RGS20: variants seen among roughly 807,000 people sequenced by gnomAD.
RGS20 encodes regulator of G protein signaling 20, also known as gz-selective GTPase-activating protein.
RGS20 carries 30 observed loss-of-function variants against 33.6 expected under a neutral mutation model. The observed-to-expected ratio is 0.89, with a 90% CI of 0.67 to 1.21. RGS20 has a LOEUF of 1.21. RGS20 is among the 50% of genes most tolerant of loss of function. The pLI is 0.00. For missense variants in RGS20, 472 were observed against 502.4 expected, an observed-to-expected ratio of 0.94 and a Z score of 0.58; for synonymous variants, 208 against 197.9, an observed-to-expected ratio of 1.05 and a Z score of -0.43.
chr8:53,947,579 A>T lies in RGS20; in HGVS notation c.743+831A>T, dbSNP rs533944371. On this transcript the variant is annotated intron_variant, in intron 4 of 5. Transcript: ENST00000297313. Reference sequence around the variant, plus strand: ...ATGCTATATAGGATATAGTATATACATTTATATATGCTATATATAGGATAT... The same window carrying T: ...ATGCTATATAGGATATAGTATATACTTTTATATATGCTATATATAGGATAT... 8.7e-5 allele frequency among the ~76,000 whole-genome samples: 11 copies of T among 126,580 alleles called. No individual in the cohort carries two copies. In the East Asian group the frequency reaches 2.5e-3, roughly 29 times the overall value. 83.0% of individuals were successfully genotyped at this position (126,580 alleles called of 152,430 possible).
chr8:53,894,153 G>C (rs926350737), intron 2 of RGS20, among the ~76,000 whole-genome samples: 1 of 152,026 alleles, frequency 6.6e-6, no homozygotes, highest in African/African-American at 2.4e-5. Context: ...TTTTTGTCCT[G>C]GGTCTCTGTG....
In RGS20 at chr8:53,879,372, C is replaced by G. The variant is rs1812285462; in HGVS notation, c.280C>G (p.Pro94Ala). 2 of 1,611,516 alleles carry G rather than the reference C, an allele frequency of 1.2e-6. No homozygotes were observed. The highest frequency in any genetic ancestry group is 1.3e-5 in the African/African-American group (1 of 74,902). Residue 94 changes from proline to alanine, a missense_variant, in exon 2 of 6, where the codon CCT (proline) becomes GCT (alanine). Pro to Ala is a conservative substitution (Grantham distance 27). Around this residue, in one of 3 missense-constraint regions of RGS20, gnomAD observed 319 missense variants for 283.4 expected, o/e 1.13. Coordinates refer to ENST00000297313, the MANE Select transcript of RGS20 (RefSeq NM_170587.4). Reference sequence around the variant, plus strand: ...CTTCTCTCACCTTCTCCGGCGACCCCCTCCCGAGGCTCCCCGGAGGCGCCT... The same window carrying G: ...CTTCTCTCACCTTCTCCGGCGACCCGCTCCCGAGGCTCCCCGGAGGCGCCT...
At chr8:53,943,576 C>G (rs1814369738) in intron 3 of RGS20, among the ~76,000 whole-genome samples, 2 of 152,116 alleles carry the variant, frequency 1.3e-5, no homozygotes, top group African/African-American at 4.8e-5. Context: ...GTAACAATAA[C>G]AGTGGACCGA....
Position 53,879,325 on chromosome 8 carries a change from C to G in RGS20, c.233C>G (p.Pro78Arg). Residue 78 changes from proline (P) to arginine (R), a missense_variant, in exon 2 of 6, where the codon CCG becomes CGG. This residue lies in a region of RGS20 where 319 missense variants were observed against 283.4 expected (regional missense o/e 1.13). Coordinates refer to ENST00000297313, the MANE Select transcript of RGS20 (RefSeq NM_170587.4). The stretch of plus-strand genomic sequence containing the variant: ...AAGCTGTTCGGCCTCCTTTCTAGCC[C>G]GCTTTCCAGCCTCGCAAGGTTCTTC... 6.2e-7 allele frequency: 1 copy of G among 1,613,246 alleles called. No individual in the cohort carries two copies. The highest frequency in any genetic ancestry group is 8.5e-7 in the Non-Finnish European group (1 of 1,179,984).
chr8:53,890,280 T>C (rs1812677609), intron 2 of RGS20, among the ~76,000 whole-genome samples: 1 of 152,258 alleles, frequency 6.6e-6, no homozygotes, highest in Admixed American at 6.5e-5. Flanking sequence ...GAACTTGTTT[T>C]CTTCTAAATG....
intron 2 of RGS20, among the ~76,000 whole-genome samples, chr8:53,883,446 G>A (rs1477815466): frequency 6.6e-6 from 1 of 152,098 alleles, no homozygotes; most frequent in Non-Finnish European, 1.5e-5. Flanking sequence ...TTACAGGAGT[G>A]AGCCACTGCG....
At chr8:53,911,865 C>T (rs945074494) in intron 2 of RGS20, among the ~76,000 whole-genome samples, 12 of 152,208 alleles carry the variant, frequency 7.9e-5, no homozygotes, top group African/African-American at 1.2e-4. Context: ...CGCTTGAACC[C>T]GGGAGGTGAA....
intron 1 of RGS20, among the ~76,000 whole-genome samples, chr8:53,852,845 A>G (rs1811596714): frequency 6.6e-6 from 1 of 152,156 alleles, no homozygotes; most frequent in African/African-American, 2.4e-5. Flanking sequence ...ATATCCTGAT[A>G]TCATTATTTA....
At chr8:53,933,270 T>C (rs905655669) in intron 2 of RGS20, among the ~76,000 whole-genome samples, 1 of 152,028 alleles carries the variant, frequency 6.6e-6, no homozygotes, top group Non-Finnish European at 1.5e-5. Flanking sequence ...GTTTGACGCA[T>C]TGACAGAAGG....
chr8:53,898,486 TTA>T, intron 2 of RGS20, among the ~76,000 whole-genome samples: 1 of 152,208 alleles, frequency 6.6e-6, no homozygotes, highest in South Asian at 2.1e-4. Flanking sequence ...TTGTGGCACT[TTA>T]ACAGAAGTGT....
intron 2 of RGS20, among the ~76,000 whole-genome samples, chr8:53,887,631 T>C (rs1255858915): frequency 3.3e-5 from 5 of 152,202 alleles, no homozygotes; most frequent in African/African-American, 9.7e-5. Context: ...GTCATGTTGA[T>C]AATTAATGAC....
chr8:53,915,709 G>A (rs913555533), intron 2 of RGS20, among the ~76,000 whole-genome samples: 1 of 152,124 alleles, frequency 6.6e-6, no homozygotes, highest in African/African-American at 2.4e-5. Flanking sequence ...GTTCTCCCCA[G>A]GAGTCTTCTG....
At chr8:53,906,685 A>G (rs2129282369) in intron 2 of RGS20, among the ~76,000 whole-genome samples, 1 of 152,342 alleles carries the variant, frequency 6.6e-6, no homozygotes, top group East Asian at 1.9e-4. Flanking sequence ...AGTGCTTTTC[A>G]TGCACCTGGG....
chr8:53,884,759 A>T (rs1423175852), intron 2 of RGS20, among the ~76,000 whole-genome samples: 1 of 152,238 alleles, frequency 6.6e-6, no homozygotes, highest in Non-Finnish European at 1.5e-5. Flanking sequence ...GTGTACGAGC[A>T]TGTGCTATCT....
At chr8:53,915,313 T>G (rs976555182) in intron 2 of RGS20, among the ~76,000 whole-genome samples, 15 of 152,160 alleles carry the variant, frequency 9.9e-5, no homozygotes, top group African/African-American at 3.6e-4. Context: ...TTCCGAGCTC[T>G]GCTGCCTTGG....
At chr8:53,936,233 T>A (rs1193875967) in intron 2 of RGS20, among the ~76,000 whole-genome samples, 1 of 152,174 alleles carries the variant, frequency 6.6e-6, no homozygotes, top group African/African-American at 2.4e-5. Context: ...AACATAGTAT[T>A]GGAAGTTCTG....
At chr8:53,889,473 G>T (rs1239493644) in intron 2 of RGS20, among the ~76,000 whole-genome samples, 6 of 100,672 alleles carry the variant, frequency 6.0e-5, no homozygotes, top group African/African-American at 2.2e-4. Flanking sequence ...TCACTCTGTT[G>T]CCCAGGCTGG....
At chr8:53,911,605 C>G (rs373148499) in intron 2 of RGS20, among the ~76,000 whole-genome samples, 1 of 152,012 alleles carries the variant, frequency 6.6e-6, no homozygotes, top group South Asian at 2.1e-4. Flanking sequence ...TAGAAAAAAT[C>G]GAAAAGGTGT....
At chr8:53,863,407 A>G (rs1352013646) in intron 1 of RGS20, among the ~76,000 whole-genome samples, 1 of 152,176 alleles carries the variant, frequency 6.6e-6, no homozygotes, top group Non-Finnish European at 1.5e-5. Context: ...CCAAGAGCAG[A>G]TGGGCTCTTC....
Sources: allele counts gnomAD v4.1 joint callset (sites outside exome capture counted in the v4.1 genomes callset), GRCh38; gene constraint gnomAD v4.1.1; regional missense constraint gnomAD v4.1.1; transcripts MANE v1.5; gene names NCBI Gene and HGNC (gene_info 2026-07-23, HGNC 2026-07-21).